The following MPZL1 variants were observed in gnomAD, a reference collection of about 807,000 sequenced individuals.
The protein encoded by MPZL1 is myelin protein zero-like protein 1.
A neutral mutation model predicts 29.3 loss-of-function variants in MPZL1; 16 were observed. The observed-to-expected ratio is 0.55, with a 90% CI of 0.37 to 0.83. The LOEUF is 0.83. MPZL1 is among the 40% of genes least tolerant of loss of function. MPZL1 has a pLI of 0.00. For missense variants in MPZL1, 279 were observed against 332.9 expected, an observed-to-expected ratio of 0.84 and a Z score of 1.26; for synonymous variants, 143 against 132.0, an observed-to-expected ratio of 1.08 and a Z score of -0.57.
intron 2 of MPZL1, among the ~76,000 whole-genome samples, chr1:167,770,748 G>C (rs1661223241): frequency 2.0e-5 from 3 of 152,066 alleles, no homozygotes; most frequent in Admixed American, 6.5e-5. Flanking sequence ...GACTCAGATG[G>C]GCCTAAATTT....
intron 1 of MPZL1, among the ~76,000 whole-genome samples, chr1:167,725,654 T>G (rs1469241485): frequency 6.6e-6 from 1 of 151,852 alleles, no homozygotes; most frequent in Non-Finnish European, 1.5e-5. Context: ...CCCAGCTAAT[T>G]TTTGTATTTT....
intron 1 of MPZL1, among the ~76,000 whole-genome samples, chr1:167,757,407 A>T (rs560956281): frequency 2.0e-5 from 3 of 152,322 alleles, no homozygotes; most frequent in South Asian, 4.1e-4. Flanking sequence ...CTTTTTAAAA[A>T]TTTTTATTGT....
intron 1 of MPZL1, among the ~76,000 whole-genome samples, chr1:167,762,574 C>T (rs1426533920): frequency 6.6e-6 from 1 of 152,200 alleles, no homozygotes; most frequent in Non-Finnish European, 1.5e-5. Flanking sequence ...ATTTGATTGG[C>T]CAAAACTCGG....
chr1:167,734,384 T>A (rs934399994), intron 1 of MPZL1, among the ~76,000 whole-genome samples: 1 of 152,170 alleles, frequency 6.6e-6, no homozygotes, highest in Non-Finnish European at 1.5e-5. Flanking sequence ...TTTTGGTCCA[T>A]GTTTCAGCCA....
At chr1:167,782,493 C>T (rs1661517613) in intron 5 of MPZL1, among the ~76,000 whole-genome samples, 1 of 152,122 alleles carries the variant, frequency 6.6e-6, no homozygotes. Flanking sequence ...TATATTTACT[C>T]ATGAGAAGAT....
At chr1:167,772,003 A>G (rs1273907952) in intron 2 of MPZL1, among the ~76,000 whole-genome samples, 3 of 152,036 alleles carry the variant, frequency 2.0e-5, no homozygotes, top group South Asian at 4.2e-4. Flanking sequence ...CGTGCCTGCA[A>G]TCCCAGGCAG....
intron 1 of MPZL1, among the ~76,000 whole-genome samples, chr1:167,736,206 T>C (rs962748338): frequency 6.6e-6 from 1 of 152,188 alleles, no homozygotes; most frequent in Non-Finnish European, 1.5e-5. Context: ...CCAATGTTGA[T>C]TTTCCTTAGG....
chr1:167,734,395 G>A (rs919158591), intron 1 of MPZL1, among the ~76,000 whole-genome samples: 2 of 152,138 alleles, frequency 1.3e-5, no homozygotes, highest in East Asian at 1.9e-4. Context: ...GTTTCAGCCA[G>A]CAAACCAAAC....
chr1:167,732,975 CCTGT>C (rs567414517), intron 1 of MPZL1, among the ~76,000 whole-genome samples: 11 of 152,160 alleles, frequency 7.2e-5, no homozygotes, highest in African/African-American at 9.7e-5. Flanking sequence ...TTGGACTCAG[CCTGT>C]CTTTTATTCA....
In MPZL1 at chr1:167,724,516, G is replaced by A. The variant is rs77641642; in HGVS notation, c.91+2274G>A. ...ATGAAGAGAGGACACATGTTGATGC[G>A]CCACTTAGAAAGTACGTTTGATAGA... On this transcript the variant is annotated intron_variant, in intron 1 of 5. Transcript: ENST00000359523. Among the ~76,000 whole-genome samples the A allele has an allele frequency of 3.2e-3, 484 of 152,306 alleles. 6 individuals carry two copies. Among genetic ancestry groups the A allele is most frequent in the African/African-American group, 0.011 (462 of 41,568 alleles).
At chr1:167,748,176 C>T (rs1429743932) in intron 1 of MPZL1, among the ~76,000 whole-genome samples, 2 of 152,146 alleles carry the variant, frequency 1.3e-5, no homozygotes. Flanking sequence ...ATTGCTATTG[C>T]TGAGTCATCA....
At chr1:167,761,456 G>A (rs551854824) in intron 1 of MPZL1, among the ~76,000 whole-genome samples, 2 of 152,292 alleles carry the variant, frequency 1.3e-5, no homozygotes, top group African/African-American at 4.8e-5. Flanking sequence ...TAGGAGTGCA[G>A]GGAAAGCAGA....
At position 167,783,768 on chromosome 1, in the gene MPZL1, A is replaced by G. The variant is rs566088706; in HGVS notation, c.709-4052A>G. 1.1e-4 allele frequency among the ~76,000 whole-genome samples: 17 copies of G among 152,334 alleles called. 2 individuals are homozygous for G. The South Asian group carries it at 3.5e-3, about 32-fold the overall frequency. ...TCCAATTTTTTTCACCTCTGCTTTG[A>G]TAATCAGTATTTGTCTCATTTATCT... On this transcript the variant is annotated intron_variant, in intron 5 of 5. Coordinates refer to ENST00000359523, the MANE Select transcript of MPZL1 (RefSeq NM_003953.6).
chr1:167,763,514 AG>A (rs1661042039), intron 1 of MPZL1, among the ~76,000 whole-genome samples: 1 of 151,376 alleles, frequency 6.6e-6, no homozygotes, highest in South Asian at 2.1e-4. Context: ...AAAAAAAAAA[AG>A]AAAGAAAGAA....
At position 167,758,284 on chromosome 1, in the gene MPZL1, G is replaced by T. The variant is rs541392627; in HGVS notation, c.92-7299G>T. 2.6e-5 allele frequency among the ~76,000 whole-genome samples: 4 copies of T among 152,236 alleles called. No individual in the cohort carries two copies. The South Asian group carries it at 6.2e-4, about 24-fold the overall frequency. On this transcript the variant is annotated intron_variant, in intron 1 of 5. Coordinates refer to ENST00000359523, the MANE Select transcript of MPZL1 (RefSeq NM_003953.6). ...CCTGCCTATGTTCCCTGCTGTGAAC[G>T]TGTTTATTTGTTCCTAATAATACTG...
chr1:167,722,451 C>G (rs1660053242), intron 1 of MPZL1, among the ~76,000 whole-genome samples: 1 of 152,226 alleles, frequency 6.6e-6, no homozygotes, highest in African/African-American at 2.4e-5. Flanking sequence ...CCTCTTTCTT[C>G]TCTTTCCTGG....
At chr1:167,739,274 C>CATATACATATATAT (rs1660452463) in intron 1 of MPZL1, among the ~76,000 whole-genome samples, 9 of 83,286 alleles carry the variant, frequency 1.1e-4, no homozygotes, top group African/African-American at 4.6e-4. Flanking sequence ...TACATATATA[C>CATATACATATATAT]ATATATACAT....
intron 5 of MPZL1, among the ~76,000 whole-genome samples, chr1:167,778,140 G>A (rs911406357): frequency 6.6e-5 from 10 of 152,228 alleles, no homozygotes; most frequent in African/African-American, 2.4e-4. Context: ...GACCAACATG[G>A]TGAAACCCTA....
At chr1:167,737,858 G>A (rs1175751944) in intron 1 of MPZL1, among the ~76,000 whole-genome samples, 1 of 152,174 alleles carries the variant, frequency 6.6e-6, no homozygotes, top group African/African-American at 2.4e-5. Context: ...GTCATTTAGA[G>A]TAGATTATCT....
Sources: allele counts gnomAD v4.1 joint callset (sites outside exome capture counted in the v4.1 genomes callset), GRCh38; gene constraint gnomAD v4.1.1; transcripts MANE v1.5; gene names NCBI Gene and HGNC (gene_info 2026-07-23, HGNC 2026-07-21).